KCNT2: variants seen among roughly 807,000 people sequenced by gnomAD.
KCNT2 encodes potassium channel subfamily T member 2.
Under a neutral mutation model 153.8 loss-of-function variants are expected in KCNT2, and 67 were observed. That is an observed-to-expected ratio of 0.44 (90% CI 0.36 to 0.53). KCNT2 has a LOEUF of 0.53. KCNT2 is among the 20% of genes least tolerant of loss of function. The pLI is 0.00. For synonymous variants in KCNT2, 500 were observed against 458.8 expected, an observed-to-expected ratio of 1.09 and a Z score of -1.15; for missense variants, 975 against 1,354.8, an observed-to-expected ratio of 0.72 and a Z score of 4.40.
chr1:196,474,547 A>G (rs1678369945), intron 5 of KCNT2, among the ~76,000 whole-genome samples: 1 of 152,146 alleles, frequency 6.6e-6, no homozygotes, highest in Non-Finnish European at 1.5e-5. Flanking sequence ...GAAATAAACC[A>G]GTGTGGTGTT....
intron 4 of KCNT2, among the ~76,000 whole-genome samples, chr1:196,481,151 C>A (rs1252354944): frequency 6.6e-6 from 1 of 151,840 alleles, no homozygotes. Flanking sequence ...CTTAAAACAC[C>A]CAGGCATAGT....
rs574089622 is a variant in KCNT2, at chr1:196,595,351, G to T, written c.95+12864C>A. ...GGTGATAGACAAATTAAAAAGCTGT[G>T]CACTAGCTTGAGGTTATTCATATGA... is the stretch of plus-strand genomic sequence containing the variant. On this transcript the variant is annotated intron_variant, in intron 1 of 27. Transcript: ENST00000294725. 3.9e-5 allele frequency among the ~76,000 whole-genome samples: 6 copies of T among 152,124 alleles called. No individual in the cohort carries two copies. The South Asian group carries it at 1.2e-3, about 32-fold the overall frequency.
intron 22 of KCNT2, among the ~76,000 whole-genome samples, chr1:196,302,804 A>C (rs890500626): frequency 6.6e-6 from 1 of 152,028 alleles, no homozygotes; most frequent in Non-Finnish European, 1.5e-5. Flanking sequence ...TACATTTTTA[A>C]ATTTTTAAGT....
At position 196,277,885 on chromosome 1, in the gene KCNT2, A is replaced by C. The variant is rs191460480; in HGVS notation, c.2910+2975T>G. On this transcript the variant is annotated intron_variant, in intron 25 of 27. Transcript: ENST00000294725. ...TTTTATTCTTTAAATACAAAAAAAA[A>C]CCTCAATGTCTTTATTGGGTTAATA... Among the ~76,000 whole-genome samples the C allele has an allele frequency of 5.3e-3, 799 of 152,188 alleles. 7 individuals carry two copies. Among genetic ancestry groups the C allele is most frequent in the Non-Finnish European group, 5.8e-3 (396 of 67,992 alleles).
intron 1 of KCNT2, among the ~76,000 whole-genome samples, chr1:196,591,253 A>T (rs1393992154): frequency 6.6e-6 from 1 of 152,068 alleles, no homozygotes; most frequent in African/African-American, 2.4e-5. Context: ...CTCTCTTGCC[A>T]TGAGACATTC....
chr1:196,365,927 A>G (rs951963230), intron 14 of KCNT2, among the ~76,000 whole-genome samples: 4 of 152,202 alleles, frequency 2.6e-5, no homozygotes, highest in African/African-American at 7.2e-5. Flanking sequence ...GCATGGCTAC[A>G]TAATTTTCAA....
intron 8 of KCNT2, among the ~76,000 whole-genome samples, chr1:196,436,551 G>A (rs992307088): frequency 2.0e-5 from 3 of 151,282 alleles, no homozygotes; most frequent in African/African-American, 4.8e-5. Context: ...AACATGCTAC[G>A]TAAAGATTTG....
At chr1:196,535,235 A>G (rs1407599451) in intron 1 of KCNT2, among the ~76,000 whole-genome samples, 3 of 152,198 alleles carry the variant, frequency 2.0e-5, no homozygotes, top group Non-Finnish European at 4.4e-5. Flanking sequence ...ATTATGATGT[A>G]TTCACCATGT....
At chr1:196,487,614 A>G (rs114690532) in intron 3 of KCNT2, among the ~76,000 whole-genome samples, 207 of 152,124 alleles carry the variant, frequency 1.4e-3, no homozygotes, top group African/African-American at 4.8e-3. Context: ...ATCAATATAC[A>G]AAAAAGAAGA....
rs1017783533 is a variant in KCNT2 at position 196,228,224 on chromosome 1, T to A, written c.3408A>T (p.Ter1136CysextTer1). 2 of 1,584,176 alleles carry A rather than the reference T, an allele frequency of 1.3e-6. No individual in the cohort carries two copies. Among genetic ancestry groups the A allele is most frequent in the Non-Finnish European group, 1.7e-6 (2 of 1,155,838 alleles). Residue 1136 changes from the stop codon to cysteine (C), a stop_lost, in exon 28 of 28, where the codon TGA becomes TGT. Coordinates refer to ENST00000294725, the MANE Select transcript of KCNT2 (RefSeq NM_198503.5). ...AAAAAAGTTTCTCATTTTATTTTTA[T>A]CAAAGTTGAGTTTCCTCCCGAGAAT... ...GQDSREETQL* is the reference protein window; with the variant it reads ...GQDSREETQLC
chr1:196,457,047 A>G (rs566855798), intron 8 of KCNT2, among the ~76,000 whole-genome samples: 18 of 152,012 alleles, frequency 1.2e-4, no homozygotes, highest in African/African-American at 4.3e-4. Flanking sequence ...GCTATTTTCC[A>G]AACAAAATAA....
chr1:196,415,657 A>G (rs1285005387), intron 12 of KCNT2, among the ~76,000 whole-genome samples: 1 of 151,954 alleles, frequency 6.6e-6, no homozygotes, highest in East Asian at 1.9e-4. Flanking sequence ...CAAGGGCTGT[A>G]GACACTTCCA....
chr1:196,240,165 C>A (rs1489095596), intron 26 of KCNT2, among the ~76,000 whole-genome samples: 3 of 151,932 alleles, frequency 2.0e-5, no homozygotes, highest in Admixed American at 6.6e-5. Flanking sequence ...GAGGAACATT[C>A]TATATAATAT....
At chr1:196,499,095 G>C (rs973408982) in intron 1 of KCNT2, among the ~76,000 whole-genome samples, 2 of 152,106 alleles carry the variant, frequency 1.3e-5, no homozygotes, top group Admixed American at 6.5e-5. Context: ...GTCATATGAA[G>C]ACAAAGGCAG....
intron 25 of KCNT2, among the ~76,000 whole-genome samples, chr1:196,274,006 T>A (rs920030408): frequency 1.3e-5 from 2 of 151,678 alleles, no homozygotes; most frequent in Non-Finnish European, 3.0e-5. Context: ...ATATAATTAT[T>A]GACATTCTAT....
chr1:196,270,738 T>C (rs1657987947), intron 25 of KCNT2, among the ~76,000 whole-genome samples: 1 of 152,042 alleles, frequency 6.6e-6, no homozygotes. Context: ...TGTGTGTGTA[T>C]GTGTGTGTGC....
At chr1:196,321,630 G>T (rs1312318674) in intron 19 of KCNT2, among the ~76,000 whole-genome samples, 3 of 151,852 alleles carry the variant, frequency 2.0e-5, no homozygotes, top group Non-Finnish European at 4.4e-5. Context: ...ATCCTTACAT[G>T]AATTCAGCTA....
chr1:196,298,776 A>G (rs1023172812), intron 22 of KCNT2, among the ~76,000 whole-genome samples: 3 of 148,366 alleles, frequency 2.0e-5, no homozygotes, highest in East Asian at 2.0e-4. Context: ...GTGCCCCTCC[A>G]TAAGTCCCTT....
chr1:196,433,452 G>A lies in KCNT2; in HGVS notation c.639-3695C>T, dbSNP rs370927265. ...AGCCAGCAAATTAGTGGTTGCCTGG[G>A]ACTGATGATGGGAATGTGGTGGTGA... On this transcript the variant is annotated intron_variant, in intron 8 of 27. Transcript: ENST00000294725. 1.3e-3 allele frequency among the ~76,000 whole-genome samples: 203 copies of A among 152,170 alleles called. 1 individual carries two copies. The highest frequency in any genetic ancestry group is 4.1e-3 in the African/African-American group (170 of 41,540).
Sources: allele counts gnomAD v4.1 joint callset (sites outside exome capture counted in the v4.1 genomes callset), GRCh38; gene constraint gnomAD v4.1.1; transcripts MANE v1.5; gene names NCBI Gene and HGNC (gene_info 2026-07-23, HGNC 2026-07-21).